SHC3: variants seen among roughly 807,000 people sequenced by gnomAD.
SHC3 encodes the protein SHC-transforming protein 3.
In SHC3, 15 loss-of-function variants were observed where a neutral mutation model predicts 60.4. The observed-to-expected ratio is 0.25, with a 90% CI of 0.17 to 0.38. SHC3 has a LOEUF of 0.38. Among genes scored for constraint, SHC3 ranks in the 10% least tolerant of loss-of-function variants. The pLI, the probability that SHC3 is intolerant of heterozygous loss-of-function variation, is 1.00. For missense variants in SHC3, 677 were observed against 786.1 expected (o/e 0.86, Z 1.66); for synonymous variants, 294 against 325.9 (o/e 0.90, Z 1.05).
chr9:89,033,341 T>C (rs886164494), intron 11 of SHC3, among the ~76,000 whole-genome samples: 12 of 152,232 alleles, frequency 7.9e-5, no homozygotes, highest in African/African-American at 2.4e-4. Context: ...ATTTTAGCTT[T>C]TTGTTTTTTT....
intron 11 of SHC3, among the ~76,000 whole-genome samples, chr9:89,025,727 G>T (rs1048231288): frequency 6.6e-6 from 1 of 152,170 alleles, no homozygotes; most frequent in Admixed American, 6.5e-5. Context: ...CCTGACTCTA[G>T]CATAGCATCA....
At chr9:89,104,809 T>C (rs1041546841) in intron 2 of SHC3, among the ~76,000 whole-genome samples, 1 of 152,162 alleles carries the variant, frequency 6.6e-6, no homozygotes, top group African/African-American at 2.4e-5. Flanking sequence ...ATTTGCTATT[T>C]GAGGTAGTGA....
At chr9:89,115,660 C>G (rs533157113) in intron 1 of SHC3, among the ~76,000 whole-genome samples, 6 of 152,148 alleles carry the variant, frequency 3.9e-5, no homozygotes, top group Non-Finnish European at 7.4e-5. Context: ...GAATGCACAT[C>G]ATGATGAACT....
At position 89,053,292 on chromosome 9, in the gene SHC3, G is replaced by T. The variant is rs1480615242; in HGVS notation, c.836-1129C>A. Reference sequence around the variant, plus strand: ...AAGCCGCGTTGGTCCCTGCAGTGAGGAGGATGCATTTCTTCATGAGTTGTT... The same window carrying T: ...AAGCCGCGTTGGTCCCTGCAGTGAGTAGGATGCATTTCTTCATGAGTTGTT... On this transcript the variant is annotated intron_variant, in intron 6 of 11. Transcript: ENST00000375835. Among the ~76,000 whole-genome samples the T allele has an allele frequency of 2.6e-5, 4 of 152,222 alleles. No individual in the cohort carries two copies. The East Asian group carries it at 7.7e-4, about 29-fold the overall frequency.
chr9:89,068,887 G>A (rs1825225461), intron 5 of SHC3, among the ~76,000 whole-genome samples: 1 of 152,190 alleles, frequency 6.6e-6, no homozygotes, highest in African/African-American at 2.4e-5. Context: ...CCTTTTATAT[G>A]TCAAACTGGG....
chr9:89,042,486 T>G (rs911737305), intron 9 of SHC3, among the ~76,000 whole-genome samples: 3 of 152,232 alleles, frequency 2.0e-5, no homozygotes, highest in African/African-American at 7.2e-5. Context: ...CGCAGGAGCC[T>G]GGCAGGCAGA....
At chr9:89,093,406 A>C (rs1825654321) in intron 2 of SHC3, among the ~76,000 whole-genome samples, 1 of 152,216 alleles carries the variant, frequency 6.6e-6, no homozygotes, top group Non-Finnish European at 1.5e-5. Flanking sequence ...AGTGGTAGAA[A>C]TGTTCTTGAC....
intron 7 of SHC3, among the ~76,000 whole-genome samples, chr9:89,051,178 C>A (rs1463299340): frequency 6.6e-6 from 1 of 152,090 alleles, no homozygotes; most frequent in East Asian, 1.9e-4. Flanking sequence ...AAGAATGTGG[C>A]TTTAGAAGTT....
Position 89,058,693 on chromosome 9 carries a change from C to T in SHC3, c.836-6530G>A, listed in dbSNP as rs538994582. Reference sequence around the variant, plus strand: ...TGGTGGTGTAGGATGTGATGGAGGGCGGTGGTGGAGGACGTGGAGGAGGAC... The same window carrying T: ...TGGTGGTGTAGGATGTGATGGAGGGTGGTGGTGGAGGACGTGGAGGAGGAC... On this transcript the variant is annotated intron_variant, in intron 6 of 11. Coordinates refer to ENST00000375835, the MANE Select transcript of SHC3 (RefSeq NM_016848.6). Among the ~76,000 whole-genome samples the T allele has an allele frequency of 8.4e-4, 99 of 117,712 alleles. No individual in the cohort carries two copies. In the South Asian group the frequency reaches 0.01, roughly 12 times the overall value. 77.2% of individuals were successfully genotyped at this position (117,712 alleles called of 152,430 possible).
intron 4 of SHC3, among the ~76,000 whole-genome samples, chr9:89,071,906 G>T (rs535315190): frequency 6.6e-6 from 1 of 152,196 alleles, no homozygotes; most frequent in Non-Finnish European, 1.5e-5. Flanking sequence ...ACTCTTCCTT[G>T]CAAGACATTG....
intron 1 of SHC3, among the ~76,000 whole-genome samples, chr9:89,125,261 G>C (rs913126878): frequency 1.3e-5 from 2 of 152,102 alleles, no homozygotes; most frequent in Admixed American, 1.3e-4. Flanking sequence ...GCCTGTACGA[G>C]ACATCTAAAT....
At chr9:89,045,975 A>G (rs1334422509) in intron 8 of SHC3, 142 bp from the exon 9 acceptor site, 5 of 683,884 alleles carry the variant, frequency 7.3e-6, no homozygotes, top group Non-Finnish European at 1.2e-5. Flanking sequence ...TTCATGCCTC[A>G]TGGTTGGCAT....
intron 11 of SHC3, among the ~76,000 whole-genome samples, chr9:89,015,723 G>T (rs956603304): frequency 5.9e-5 from 9 of 152,224 alleles, no homozygotes; most frequent in African/African-American, 2.2e-4. Context: ...CCACTGGGCA[G>T]CCAGGACAAA....
At chr9:89,086,803 T>C (rs1241377882) in intron 2 of SHC3, among the ~76,000 whole-genome samples, 1 of 152,210 alleles carries the variant, frequency 6.6e-6, no homozygotes, top group East Asian at 1.9e-4. Context: ...TTTTAGAATC[T>C]TTTAGTTGTA....
At chr9:89,053,575 T>C (rs186356915) in intron 6 of SHC3, among the ~76,000 whole-genome samples, 2 of 152,310 alleles carry the variant, frequency 1.3e-5, no homozygotes, top group Admixed American at 1.3e-4. Context: ...ACAGGAAATG[T>C]ATTTCCTCGG....
At chr9:89,053,584 G>C (rs555793165) in intron 6 of SHC3, among the ~76,000 whole-genome samples, 1 of 152,148 alleles carries the variant, frequency 6.6e-6, no homozygotes, top group African/African-American at 2.4e-5. Context: ...GTATTTCCTC[G>C]GAAGAGCAAG....
At chr9:89,052,582 G>A (rs1453120587) in intron 6 of SHC3, among the ~76,000 whole-genome samples, 3 of 152,176 alleles carry the variant, frequency 2.0e-5, no homozygotes, top group Admixed American at 6.5e-5. Context: ...AAAATGGACT[G>A]AAACCAGCAT....
chr9:89,112,828 C>T (rs1341374214), intron 1 of SHC3, among the ~76,000 whole-genome samples: 6 of 152,100 alleles, frequency 3.9e-5, no homozygotes. Context: ...GTTAGATTGG[C>T]ACTACACTGG....
At chr9:89,055,444 C>G (rs1189893494) in intron 6 of SHC3, among the ~76,000 whole-genome samples, 2 of 152,224 alleles carry the variant, frequency 1.3e-5, no homozygotes, top group Non-Finnish European at 1.5e-5. Flanking sequence ...AAGAAACAAT[C>G]CCAACGTCTC....
Sources: allele counts gnomAD v4.1 joint callset (sites outside exome capture counted in the v4.1 genomes callset), GRCh38; gene constraint gnomAD v4.1.1; transcripts MANE v1.5; gene names NCBI Gene and HGNC (gene_info 2026-07-23, HGNC 2026-07-21).